GALNTL5: variants seen among roughly 807,000 people sequenced by gnomAD.
GALNTL5 encodes the protein inactive polypeptide N-acetylgalactosaminyltransferase-like protein 5.
A neutral mutation model predicts 51.0 loss-of-function variants in GALNTL5; 44 were observed. The ratio of observed to expected loss-of-function variants is 0.86; its 90% CI spans 0.68 to 1.11. The LOEUF (loss-of-function observed/expected upper bound fraction) is 1.11. Among genes scored for constraint, GALNTL5 ranks in the 50% least tolerant of loss-of-function variants. The pLI, the probability that GALNTL5 is intolerant of heterozygous loss-of-function variation, is 0.00. For synonymous variants in GALNTL5, 192 were observed against 182.8 expected (o/e 1.05, Z -0.41); for missense variants, 528 against 531.8 (o/e 0.99, Z 0.07).
chr7:151,957,302 T>C (rs373748529), intron 1 of GALNTL5, among the ~76,000 whole-genome samples: 8 of 151,002 alleles, frequency 5.3e-5, no homozygotes, highest in East Asian at 1.9e-4. Flanking sequence ...CCAGCACTTT[T>C]GGGGGCCAAG....
intron 8 of GALNTL5, 127 bp from the exon 9 acceptor site, chr7:152,019,519 A>T (rs1421552781): frequency 3.6e-6 from 3 of 833,466 alleles, no homozygotes; most frequent in Non-Finnish European, 3.7e-6. Flanking sequence ...GACAGAAAAA[A>T]ATTGGGATCT....
At chr7:151,985,564 C>G (rs913529247) in intron 4 of GALNTL5, among the ~76,000 whole-genome samples, 1 of 152,024 alleles carries the variant, frequency 6.6e-6, no homozygotes, top group African/African-American at 2.4e-5. Context: ...GGAGCAGGGC[C>G]AGGGGCCCAG....
chr7:151,972,345 G>A (rs1262449533), intron 3 of GALNTL5, among the ~76,000 whole-genome samples: 2 of 152,134 alleles, frequency 1.3e-5, no homozygotes, highest in Non-Finnish European at 2.9e-5. Flanking sequence ...TGAACTTGAG[G>A]TTTGGAAAAT....
intron 1 of GALNTL5, among the ~76,000 whole-genome samples, chr7:151,964,442 C>T (rs2081031414): frequency 6.6e-6 from 1 of 152,052 alleles, no homozygotes; most frequent in Non-Finnish European, 1.5e-5. Context: ...GCAGGTCTTT[C>T]CCATGTTGTT....
Position 151,967,269 on chromosome 7 carries a change from G to T in GALNTL5, c.23G>T (p.Gly8Val), listed in dbSNP as rs755822224. The change falls in exon 2 of 9, where the codon GGT becomes GTT. Residue 8 changes from glycine to valine, a missense_variant. Transcript: ENST00000392800. Reference sequence around the variant, plus strand: ...ACAATGAGAAATGCCATAATTCAAGGTTTATTCTATGGGTCCTTGACATTT... The same window carrying T: ...ACAATGAGAAATGCCATAATTCAAGTTTTATTCTATGGGTCCTTGACATTT... Reference protein sequence around the residue: MRNAIIQGLFYGSLTFGI... With the variant: MRNAIIQVLFYGSLTFGI... The T allele has an allele frequency of 1.1e-5, 17 of 1,613,158 alleles. No individual in the cohort carries two copies. The highest frequency in any genetic ancestry group is 4.5e-5 in the East Asian group (2 of 44,874).
chr7:151,985,430 G>C (rs2081349276), intron 4 of GALNTL5, among the ~76,000 whole-genome samples: 1 of 152,162 alleles, frequency 6.6e-6, no homozygotes. Flanking sequence ...TGGAGCTCAG[G>C]TTGACACCTT....
chr7:151,995,432 T>G (rs996935595), intron 5 of GALNTL5: 3 of 130,100 alleles, frequency 2.3e-5, no homozygotes, highest in Admixed American at 9.7e-5. Flanking sequence ...CAAACATGGG[T>G]GATGATTAAA....
chr7:152,019,653 T>A lies in GALNTL5; in HGVS notation c.1184T>A (p.Phe395Tyr), dbSNP rs1472863558. The A allele has an allele frequency of 6.2e-7, 1 of 1,609,740 alleles. No homozygotes were observed. Among genetic ancestry groups the A allele is most frequent in the East Asian group, 2.2e-5 (1 of 44,812 alleles). Reference sequence around the variant, plus strand: ...CTCTATATTTTCATTTAGGAGCAGTTTTTTCTTCGAAAGCCTGGTCTGAAA... The same window carrying A: ...CTCTATATTTTCATTTAGGAGCAGTATTTTCTTCGAAAGCCTGGTCTGAAA... ...HVWLDEYKEQ[F>Y]FLRKPGLKYV... The change falls in exon 9 of 9, where the codon TTT becomes TAT. Residue 395 changes from phenylalanine (F) to tyrosine (Y), a missense_variant. Phe to Tyr is a conservative substitution (Grantham distance 22). Transcript: ENST00000392800.
chr7:151,990,991 A>C (rs1479997427), intron 5 of GALNTL5, among the ~76,000 whole-genome samples: 1 of 152,182 alleles, frequency 6.6e-6, no homozygotes, highest in Non-Finnish European at 1.5e-5. Context: ...TAAAAAACAA[A>C]CATATCAATA....
intron 7 of GALNTL5, among the ~76,000 whole-genome samples, chr7:152,009,627 T>C (rs1461662285): frequency 6.6e-6 from 1 of 152,148 alleles, no homozygotes; most frequent in Non-Finnish European, 1.5e-5. Flanking sequence ...GCCACACTGG[T>C]TGTTAACATA....
chr7:151,973,103 C>G (rs1052681257), intron 3 of GALNTL5, among the ~76,000 whole-genome samples: 1 of 152,078 alleles, frequency 6.6e-6, no homozygotes, highest in Non-Finnish European at 1.5e-5. Flanking sequence ...GGGAGCCCAC[C>G]CCTTGCATCA....
intron 7 of GALNTL5, among the ~76,000 whole-genome samples, chr7:152,014,440 G>T (rs188488825): frequency 1.3e-5 from 2 of 152,128 alleles, no homozygotes; most frequent in African/African-American, 4.8e-5. Context: ...GCTAATTTTT[G>T]TATTTTTAGT....
At chr7:151,999,214 A>ATTTTTTCTTTTTCAAAATTATTT (rs1563019640) in intron 5 of GALNTL5, among the ~76,000 whole-genome samples, 4 of 152,128 alleles carry the variant, frequency 2.6e-5, no homozygotes, top group African/African-American at 9.7e-5. Context: ...TTCCTTTTTT[A>ATTTTTTCTTTTTCAAAATTATTT]TGGTTGAATA....
At chr7:152,003,687 C>A (rs1459232785) in intron 6 of GALNTL5, among the ~76,000 whole-genome samples, 3 of 152,108 alleles carry the variant, frequency 2.0e-5, no homozygotes, top group Non-Finnish European at 4.4e-5. Context: ...ATGTAGAAAT[C>A]TCAACTTAAT....
intron 1 of GALNTL5, among the ~76,000 whole-genome samples, chr7:151,964,476 C>T (rs1488761405): frequency 2.0e-5 from 3 of 152,070 alleles, no homozygotes; most frequent in Non-Finnish European, 2.9e-5. Context: ...GTAAGTCTCA[C>T]GAGATCTGAT....
intron 7 of GALNTL5, among the ~76,000 whole-genome samples, chr7:152,011,091 C>T (rs1036378503): frequency 6.6e-6 from 1 of 152,162 alleles, no homozygotes; most frequent in African/African-American, 2.4e-5. Context: ...TGCCCAAATT[C>T]ACAGAACTAG....
At chr7:151,956,777 G>A (rs1056931179) in intron 1 of GALNTL5, among the ~76,000 whole-genome samples, 168 bp downstream of exon 1, 1 of 152,074 alleles carries the variant, frequency 6.6e-6, no homozygotes, top group African/African-American at 2.4e-5. Context: ...AGAAGGAGTA[G>A]CCTCCTAGCT....
In GALNTL5 at chr7:151,967,340, G is replaced by T; in HGVS notation, c.94G>T (p.Val32Leu). Residue 32 changes from valine (V) to leucine (L), a missense_variant, in exon 2 of 9, where the codon GTG (valine) becomes TTG (leucine). Val to Leu is a conservative substitution (Grantham distance 32, BLOSUM62 1). Transcript: ENST00000392800. ...ATTCATATATTTGCACCATAATCAT[G>T]TGAGCAGCTGGCAGAAGAAAAGCCA... ...LLFIYLHHNH[V>L]SSWQKKSQEP... 1 of 1,614,182 alleles carries T rather than the reference G, an allele frequency of 6.2e-7. No homozygotes were observed. Among genetic ancestry groups the T allele is most frequent in the South Asian group, 1.1e-5 (1 of 91,084 alleles).
intron 8 of GALNTL5, 145 bp downstream of exon 8, chr7:152,014,938 A>C (rs2081787835): frequency 1.5e-6 from 1 of 662,148 alleles, no homozygotes; most frequent in Non-Finnish European, 2.5e-6. Flanking sequence ...CGGAAAACCA[A>C]ATACTGCATG....
Sources: allele counts gnomAD v4.1 joint callset (sites outside exome capture counted in the v4.1 genomes callset), GRCh38; gene constraint gnomAD v4.1.1; transcripts MANE v1.5; gene names NCBI Gene and HGNC (gene_info 2026-07-23, HGNC 2026-07-21).